The following GALNT2 variants were observed in gnomAD, a reference collection of about 807,000 sequenced individuals.
GALNT2 encodes the protein polypeptide N-acetylgalactosaminyltransferase 2.
GALNT2 carries 31 observed loss-of-function variants against 81.4 expected under a neutral mutation model. The ratio of observed to expected loss-of-function variants is 0.38; its 90% CI spans 0.29 to 0.51. The LOEUF (loss-of-function observed/expected upper bound fraction) is 0.51. GALNT2 is among the 20% of genes least tolerant of loss of function. The pLI, the probability that GALNT2 is intolerant of heterozygous loss-of-function variation, is 0.87. For missense variants in GALNT2, 629 were observed against 765.7 expected (o/e 0.82, Z 2.11); for synonymous variants, 303 against 287.4 (o/e 1.05, Z -0.55).
Position 230,257,482 on chromosome 1 carries a change from T to A in GALNT2, c.1136+2138T>A, listed in dbSNP as rs1665748907. Among the ~76,000 whole-genome samples the A allele has an allele frequency of 6.6e-6, 1 of 152,218 alleles. No homozygotes were observed. The highest frequency in any genetic ancestry group is 2.4e-5 in the African/African-American group (1 of 41,444). On this transcript the variant is annotated intron_variant, in intron 11 of 15. Transcript: ENST00000366672. The surrounding 1 kb of genome is among the most constrained non-coding windows in gnomAD (Gnocchi z 4.6). ...AGATACACAAATACTTACCATTGTG[T>A]TACAGTTTCCTCCAGTGTTCAGGAC...
At chr1:230,194,971 T>G (rs1400195250) in intron 2 of GALNT2, among the ~76,000 whole-genome samples, 1 of 152,164 alleles carries the variant, frequency 6.6e-6, no homozygotes, top group African/African-American at 2.4e-5. Context: ...GGAGAAGAAG[T>G]GGAGCCTGCC....
chr1:230,190,313 G>A (rs1337425902), intron 2 of GALNT2, among the ~76,000 whole-genome samples: 3 of 152,194 alleles, frequency 2.0e-5, no homozygotes, highest in Non-Finnish European at 2.9e-5. Flanking sequence ...TGGGTGTGCT[G>A]CCCCCATAGC....
intron 1 of GALNT2, among the ~76,000 whole-genome samples, chr1:230,117,324 A>G (rs928479440): frequency 6.6e-6 from 1 of 152,254 alleles, no homozygotes; most frequent in Middle Eastern, 3.2e-3. Context: ...CCGTATCAGC[A>G]ATAAGGCTGT....
rs1457176645 is a variant in GALNT2 at position 230,279,545 on chromosome 1, T to C, written c.*87T>C. 6.1e-6 allele frequency: 9 copies of C among 1,474,038 alleles called. 1 individual carries two copies. In the Admixed American group the frequency reaches 1.1e-4, roughly 17 times the overall value. 91.3% of individuals were successfully genotyped at this position (1,474,038 alleles called of 1,614,324 possible). ...ATTATTGATTATGTTTCTTAAACTTTCCGCGAAACTAATATACCTCAGTAT... is the reference window on the plus strand; with the variant it reads ...ATTATTGATTATGTTTCTTAAACTTCCCGCGAAACTAATATACCTCAGTAT... On this transcript the variant is annotated 3_prime_UTR_variant, in exon 16 of 16. Transcript: ENST00000366672. The surrounding 1 kb of genome is among the most constrained non-coding windows in gnomAD (Gnocchi z 4.6).
intron 3 of GALNT2, among the ~76,000 whole-genome samples, chr1:230,229,577 G>A (rs562817393): frequency 6.6e-6 from 1 of 152,280 alleles, no homozygotes; most frequent in South Asian, 2.1e-4. Context: ...CTACTTGTGG[G>A]TAAATAATGC....
At chr1:230,205,746 G>T (rs933504209) in intron 3 of GALNT2, among the ~76,000 whole-genome samples, 14 of 152,106 alleles carry the variant, frequency 9.2e-5, no homozygotes, top group African/African-American at 3.4e-4. Context: ...TTTCCAGAGG[G>T]TCCCAGGTGT....
chr1:230,139,132 C>A (rs1322632189), intron 1 of GALNT2, among the ~76,000 whole-genome samples: 2 of 152,202 alleles, frequency 1.3e-5, no homozygotes, highest in Admixed American at 6.5e-5. Context: ...CTTTTTCTAG[C>A]TGCTACTTCC....
chr1:230,274,240 T>C (rs1320428142), intron 14 of GALNT2, among the ~76,000 whole-genome samples: 1 of 152,262 alleles, frequency 6.6e-6, no homozygotes, highest in Non-Finnish European at 1.5e-5. Context: ...AACTTACTGC[T>C]CAGTTGTGAG....
At chr1:230,118,433 C>G (rs1359136446) in intron 1 of GALNT2, among the ~76,000 whole-genome samples, 1 of 152,236 alleles carries the variant, frequency 6.6e-6, no homozygotes, top group Non-Finnish European at 1.5e-5. Context: ...GCCAAACTGT[C>G]TTCCAAAGTG....
intron 3 of GALNT2, among the ~76,000 whole-genome samples, chr1:230,225,166 G>T (rs1234973101): frequency 6.6e-6 from 1 of 152,184 alleles, no homozygotes; most frequent in South Asian, 2.1e-4. Context: ...CATTATGACT[G>T]TTTGGAGGAT....
At chr1:230,067,674 C>A (rs1659240692) in intron 1 of GALNT2, among the ~76,000 whole-genome samples, 2 of 152,014 alleles carry the variant, frequency 1.3e-5, no homozygotes. Flanking sequence ...CGTCGTAATT[C>A]GAGTCTTGTC....
intron 10 of GALNT2, 63 bp downstream of exon 10, chr1:230,250,623 C>A: frequency 1.6e-6 from 2 of 1,276,100 alleles, no homozygotes; most frequent in Non-Finnish European, 2.2e-6. Context: ...GGCAGGGTGC[C>A]AATTGGAAAA....
In GALNT2 at chr1:230,114,546, C is replaced by T. The variant is rs539631405; in HGVS notation, c.126+47140C>T. Among the ~76,000 whole-genome samples, 413 of 152,374 alleles carry T rather than the reference C, an allele frequency of 2.7e-3. 1 individual carries two copies. The highest frequency in any genetic ancestry group is 6.8e-3 in the Middle Eastern group (2 of 294). On this transcript the variant is annotated intron_variant, in intron 1 of 15. Transcript: ENST00000366672. Reference sequence around the variant, plus strand: ...GGAGGGGCTTGGGCTGAACCCGGCACTGCTGGGACATGAACAGGGGAAACA... The same window carrying T: ...GGAGGGGCTTGGGCTGAACCCGGCATTGCTGGGACATGAACAGGGGAAACA...
chr1:230,133,449 CTT>C (rs71934973), intron 1 of GALNT2, among the ~76,000 whole-genome samples: 49 of 140,264 alleles, frequency 3.5e-4, no homozygotes, highest in Non-Finnish European at 3.6e-4. Context: ...TTTCTTTTTT[CTT>C]TTTTTTTTTT....
chr1:230,064,729 CT>C (rs1053124780), upstream of GALNT2, among the ~76,000 whole-genome samples: 16 of 152,260 alleles, frequency 1.1e-4, no homozygotes, highest in African/African-American at 3.9e-4. Context: ...CCAGGCTGGT[CT>C]TGAACTCCTG....
upstream of GALNT2, among the ~76,000 whole-genome samples, chr1:230,062,769 A>C (rs1403614463): frequency 6.6e-6 from 1 of 152,086 alleles, no homozygotes; most frequent in Non-Finnish European, 1.5e-5. Flanking sequence ...GTTGATAGAT[A>C]TTTGTGTTGT....
upstream of GALNT2, among the ~76,000 whole-genome samples, chr1:230,063,618 A>G (rs1398856993): frequency 6.6e-6 from 1 of 152,182 alleles, no homozygotes; most frequent in African/African-American, 2.4e-5. Context: ...TTCTACCTCT[A>G]ACATTGTCTA....
chr1:230,210,047 C>A (rs1167261239), intron 3 of GALNT2, among the ~76,000 whole-genome samples: 1 of 152,180 alleles, frequency 6.6e-6, no homozygotes, highest in Non-Finnish European at 1.5e-5. Flanking sequence ...GGGGTAACAT[C>A]CCCTTGATGC....
intron 1 of GALNT2, among the ~76,000 whole-genome samples, chr1:230,087,668 A>T (rs890280153): frequency 1.3e-5 from 2 of 152,168 alleles, no homozygotes; most frequent in African/African-American, 4.8e-5. Flanking sequence ...AGGTCTGGGG[A>T]CAGCTGGTTA....
Sources: allele counts gnomAD v4.1 joint callset (sites outside exome capture counted in the v4.1 genomes callset), GRCh38; gene constraint gnomAD v4.1.1; non-coding constraint Gnocchi (gnomAD v3.1); transcripts MANE v1.5; gene names NCBI Gene and HGNC (gene_info 2026-07-23, HGNC 2026-07-21).